BEST1: variants seen among roughly 807,000 people sequenced by gnomAD.
BEST1 encodes bestrophin 1, also known as bestrophin-1.
A neutral mutation model predicts 63.3 loss-of-function variants in BEST1; 58 were observed. The ratio of observed to expected loss-of-function variants is 0.92; its 90% CI spans 0.74 to 1.14. BEST1 has a LOEUF of 1.14. Ranked by LOEUF, BEST1 falls within the 50% of genes most tolerant of loss-of-function variation. The pLI is 0.00. For missense variants in BEST1, 671 were observed against 740.1 expected (o/e 0.91, Z 1.08); for synonymous variants, 283 against 291.6 (o/e 0.97, Z 0.30).
intron 9 of BEST1, chr11:61,960,968 C>T (rs1298995163): frequency 1.3e-5 from 2 of 152,062 alleles, no homozygotes; most frequent in Non-Finnish European, 2.9e-5. Flanking sequence ...TGTCAGGGTT[C>T]ATACTCAAGG....
rs1335508659 is a variant in BEST1 at position 61,964,242 on chromosome 11, C to G, written c.*120C>G. 1 of 1,561,414 alleles carries G rather than the reference C, an allele frequency of 6.4e-7. No homozygotes were observed. The highest frequency in any genetic ancestry group is 2.3e-5 in the East Asian group (1 of 43,770). ...ACTGAAGAACATGTCCTACAACAGC[C>G]TGAATCAAATGGTTAGCTTAATAGA... On this transcript the variant is annotated 3_prime_UTR_variant, in exon 11 of 11. Coordinates refer to ENST00000378043, the MANE Select transcript of BEST1 (RefSeq NM_004183.4).
In BEST1 at chr11:61,960,001, A is replaced by T. The variant is rs1429895604; in HGVS notation, c.1058A>T (p.Gln353Leu). Residue 353 changes from glutamine to leucine, a missense_variant, in exon 9 of 11, where the codon CAG (glutamine) becomes CTG (leucine). Transcript: ENST00000378043. The stretch of plus-strand genomic sequence containing the variant: ...CCCCCCTACACAGCTGCTTCCGCCC[A>T]GTTCCGTCGAGCCTCCTTTATGGGC... ...PQPPYTAASA[Q>L]FRRASFMGST... is the part of the protein sequence containing the mutation. 1 of 1,611,376 alleles carries T rather than the reference A, an allele frequency of 6.2e-7. No homozygotes were observed. Among genetic ancestry groups the T allele is most frequent in the Non-Finnish European group, 8.5e-7 (1 of 1,179,062 alleles).
chr11:61,963,344 G>A (rs1649516632), intron 10 of BEST1: 2 of 1,297,002 alleles, frequency 1.5e-6, no homozygotes, highest in Admixed American at 3.6e-5. Context: ...AGCACTACAG[G>A]AAAGGGTGGC....
chr11:61,959,429 G>A (rs1228226894), intron 7 of BEST1, 69 bp from the exon 8 acceptor site: 1 of 1,469,724 alleles, frequency 6.8e-7, no homozygotes, highest in Non-Finnish European at 9.5e-7. Flanking sequence ...CAGCAGCTGA[G>A]GTTTAAAGGG....
At chr11:61,963,421 T>C (rs1256229980) in intron 10 of BEST1, 1 of 1,184,242 alleles carries the variant, frequency 8.4e-7, no homozygotes. Context: ...CCTTAGGTCA[T>C]TTTCTCACTG....
In BEST1 at chr11:61,959,562, T is replaced by G. The variant is rs1941820458; in HGVS notation, c.932T>G (p.Val311Gly). ...GATGATTTTGAGACCAACTGGATTG[T>G]CGACAGGAATTTGCAGGTATGGGGA... ...DDDDFETNWI[V>G]DRNLQVSLLA... The change falls in exon 8 of 11, where the codon GTC (valine) becomes GGC (glycine). Residue 311 changes from valine (V) to glycine (G), a missense_variant. Val to Gly is a moderately radical substitution (Grantham distance 109). Coordinates refer to ENST00000378043, the MANE Select transcript of BEST1 (RefSeq NM_004183.4). 6.2e-7 allele frequency: 1 copy of G among 1,614,038 alleles called. No homozygotes were observed. The highest frequency in any genetic ancestry group is 8.5e-7 in the Non-Finnish European group (1 of 1,180,032).
intron 10 of BEST1, chr11:61,963,440 C>A (rs1942285879): frequency 8.7e-7 from 1 of 1,153,212 alleles, no homozygotes. Context: ...TGCCTGGGAA[C>A]CTCACCAAAA....
At chr11:61,960,867 C>T (rs1941993804) in intron 9 of BEST1, 1 of 152,828 alleles carries the variant, frequency 6.5e-6, no homozygotes, top group Non-Finnish European at 1.5e-5. Flanking sequence ...CTGAATCCCT[C>T]TTGAGCTGCA....
rs775613475 is a variant in BEST1, at chr11:61,958,428, C to T, written c.867+130C>T. The T allele has an allele frequency of 4.6e-5, 72 of 1,549,284 alleles. No homozygotes were observed. In the Admixed American group the frequency reaches 4.7e-4, roughly 10 times the overall value. ...GGTAGAAAGCAGCCAGGCGTGGTGGCGCACACCTGTAATCCCAGCTACTCG... is the reference window on the plus strand; with the variant it reads ...GGTAGAAAGCAGCCAGGCGTGGTGGTGCACACCTGTAATCCCAGCTACTCG... On this transcript the variant is annotated intron_variant, in intron 7 of 10. Coordinates refer to ENST00000378043, the MANE Select transcript of BEST1 (RefSeq NM_004183.4).
intron 2 of BEST1, 147 bp downstream of exon 2, chr11:61,952,105 A>T (rs1940739493): frequency 1.9e-6 from 2 of 1,042,698 alleles, no homozygotes. Context: ...TGGGCACTGG[A>T]GCTGAGGCTG....
At position 61,955,820 on chromosome 11, in the gene BEST1, A is replaced by C; in HGVS notation, c.350A>C (p.Lys117Thr). 1 of 1,550,572 alleles carries C rather than the reference A, an allele frequency of 6.4e-7. No individual in the cohort carries two copies. The highest frequency in any genetic ancestry group is 8.7e-7 in the Non-Finnish European group (1 of 1,146,920). ...CTGGTGTCGGGCTTCGTCGAAGGCA[A>C]GGACGAGCAAGGCCGGCTGCTGCGG... ...MSLVSGFVEG[K>T]DEQGRLLRRT... The change falls in exon 4 of 11, where the codon AAG (lysine) becomes ACG (threonine). Residue 117 changes from lysine to threonine, a missense_variant. Physicochemically the swap from Lys to Thr is moderately conservative, Grantham distance 78 (BLOSUM62 -1). Transcript: ENST00000378043.
chr11:61,963,615 T>C, intron 10 of BEST1: 2 of 1,026,686 alleles, frequency 1.9e-6, no homozygotes, highest in African/African-American at 1.7e-5. Flanking sequence ...AAGCAGTTAC[T>C]TTCACGGTCA....
intron 4 of BEST1, 137 bp downstream of exon 4, chr11:61,956,088 A>C: frequency 1.1e-6 from 1 of 885,882 alleles, no homozygotes; most frequent in Non-Finnish European, 1.7e-6. Flanking sequence ...GGGTGTAGTC[A>C]AGATTTGGGG....
At chr11:61,963,102 C>T (rs758542475) in intron 10 of BEST1, 27 of 1,465,110 alleles carry the variant, frequency 1.8e-5, no homozygotes, top group Non-Finnish European at 1.8e-6. Context: ...TCTCACTTCA[C>T]CCTGGTATCA....
At chr11:61,964,666 C>T (rs181156664), downstream of BEST1, 5 of 1,539,752 alleles carry the variant, frequency 3.2e-6, no homozygotes, top group East Asian at 6.7e-5. Flanking sequence ...CCCCAACATG[C>T]ATGCACTGCC....
chr11:61,958,695 G>T, intron 7 of BEST1: 2 of 466,282 alleles, frequency 4.3e-6, no homozygotes. Flanking sequence ...GGCTTGTCCA[G>T]GTATTCCCTC....
intron 2 of BEST1, among the ~76,000 whole-genome samples, chr11:61,953,867 C>A (rs1192336878): frequency 6.6e-6 from 1 of 151,590 alleles, no homozygotes; most frequent in East Asian, 2.0e-4. Flanking sequence ...GCCTGGGTAA[C>A]AGAGCAAGAC....
intron 7 of BEST1, 70 bp from the exon 8 acceptor site, chr11:61,959,428 A>C (rs1941796492): frequency 6.9e-7 from 1 of 1,450,676 alleles, no homozygotes; most frequent in African/African-American, 1.4e-5. Context: ...GCAGCAGCTG[A>C]GGTTTAAAGG....
downstream of BEST1, chr11:61,964,858 C>A (rs1747812914): frequency 6.2e-7 from 1 of 1,603,670 alleles, no homozygotes; most frequent in Non-Finnish European, 8.5e-7. Context: ...TTCACCTGCT[C>A]ATTCAGGTAA....
Sources: gnomAD v4.1 joint callset for allele counts (sites outside exome capture counted in the v4.1 genomes callset) on GRCh38, gnomAD v4.1.1 for gene constraint, MANE v1.5 for transcripts, NCBI Gene and HGNC (gene_info 2026-07-23, HGNC 2026-07-21) for gene names.